The following PACC1 variants were observed in gnomAD, a reference collection of about 807,000 sequenced individuals.
The protein encoded by PACC1 is proton-activated chloride channel.
Under a neutral mutation model 39.7 loss-of-function variants are expected in PACC1, and 34 were observed. The ratio of observed to expected loss-of-function variants is 0.86; its 90% CI spans 0.65 to 1.14. The LOEUF (loss-of-function observed/expected upper bound fraction) is 1.14. Ranked by LOEUF, PACC1 falls within the 50% of genes most tolerant of loss-of-function variation. PACC1 has a pLI of 0.00. For missense variants in PACC1, 379 were observed against 436.4 expected (o/e 0.87, Z 1.17); for synonymous variants, 127 against 160.6 (o/e 0.79, Z 1.58).
chr1:212,394,355 A>G (rs560757444), intron 2 of PACC1, among the ~76,000 whole-genome samples: 5 of 152,374 alleles, frequency 3.3e-5, no homozygotes, highest in Admixed American at 6.5e-5. Flanking sequence ...ATCTCAATAG[A>G]TGCAGAAAAG....
At chr1:212,399,962 A>C (rs1247225345) in intron 2 of PACC1, among the ~76,000 whole-genome samples, 1 of 152,032 alleles carries the variant, frequency 6.6e-6, no homozygotes, top group Non-Finnish European at 1.5e-5. Context: ...CTCCTGCCTC[A>C]GCCTCCCAAG....
At chr1:212,383,877 G>A (rs759994108) in intron 4 of PACC1, among the ~76,000 whole-genome samples, 5 of 151,910 alleles carry the variant, frequency 3.3e-5, no homozygotes, top group African/African-American at 7.3e-5. Flanking sequence ...TCTTCCCTTC[G>A]CTTCTGTAGA....
At chr1:212,402,956 G>T (rs572796408) in intron 2 of PACC1, among the ~76,000 whole-genome samples, 35 of 152,198 alleles carry the variant, frequency 2.3e-4, no homozygotes, top group Middle Eastern at 3.4e-3. Flanking sequence ...GCCCAGCCAA[G>T]GTTTTCATCT....
intron 2 of PACC1, among the ~76,000 whole-genome samples, chr1:212,393,189 A>C (rs1173752985): frequency 6.6e-6 from 1 of 152,216 alleles, no homozygotes; most frequent in Non-Finnish European, 1.5e-5. Flanking sequence ...GTTGGAAGTA[A>C]AGCTCTCCTC....
chr1:212,402,927 T>A (rs1323023724), intron 2 of PACC1, among the ~76,000 whole-genome samples: 1 of 152,182 alleles, frequency 6.6e-6, no homozygotes, highest in Admixed American at 6.5e-5. Context: ...GTGCTGGAAT[T>A]ACAGGCGTGA....
rs751600942 is a variant in PACC1 at position 212,379,908 on chromosome 1, C to T, written c.625G>A (p.Glu209Lys). 1 of 1,614,156 alleles carries T rather than the reference C, an allele frequency of 6.2e-7. No individual in the cohort carries two copies. Among genetic ancestry groups the T allele is most frequent in the Non-Finnish European group, 8.5e-7 (1 of 1,180,028 alleles). ...IDYLLFSSFQEFLQSPNRVGF... is the reference protein window; with the variant it reads ...IDYLLFSSFQKFLQSPNRVGF... ...CTAAAAGCCCACCTTTGCAGGAACTCCTGGAAAGAAGAGAAGAGGAGGTAA... is the reference window on the plus strand; with the variant it reads ...CTAAAAGCCCACCTTTGCAGGAACTTCTGGAAAGAAGAGAAGAGGAGGTAA... The change falls in exon 5 of 8, where the codon GAG becomes AAG. Residue 209 changes from glutamate (E) to lysine (K), a missense_variant. Transcript: ENST00000261455.
chr1:212,381,909 C>T (rs1219652848), intron 4 of PACC1, among the ~76,000 whole-genome samples: 1 of 152,258 alleles, frequency 6.6e-6, no homozygotes, highest in Non-Finnish European at 1.5e-5. Flanking sequence ...GCCTGCATGC[C>T]AGGACTGTTC....
At position 212,386,273 on chromosome 1, in the gene PACC1, T is replaced by A. The variant is rs1009395483; in HGVS notation, c.343+618A>T. Among the ~76,000 whole-genome samples the A allele has an allele frequency of 3.9e-5, 6 of 152,098 alleles. No homozygotes were observed. The highest frequency in any genetic ancestry group is 8.8e-5 in the Non-Finnish European group (6 of 68,012). On this transcript the variant is annotated intron_variant, in intron 3 of 7. Transcript: ENST00000261455. The surrounding 1 kb of genome is among the most constrained non-coding windows in gnomAD (Gnocchi z 5.0). ...ACACAGCTCATGCCTCCTCATTTAC[T>A]CTACAGCCCCTAGAACATCCAGTGC...
intron 2 of PACC1, among the ~76,000 whole-genome samples, chr1:212,393,731 A>T (rs1249537085): frequency 1.3e-5 from 2 of 152,130 alleles, no homozygotes; most frequent in Admixed American, 6.6e-5. Context: ...TCAAATAGAC[A>T]CAATAAAAAA....
rs180685429 is a variant in PACC1, at chr1:212,373,682, G to A, written c.891+1511C>T. Reference sequence around the variant, plus strand: ...AAGCCAAATAATTCAATTTTAAAATGGGCAAGAGATCTGAATAGAGATTTA... The same window carrying A: ...AAGCCAAATAATTCAATTTTAAAATAGGCAAGAGATCTGAATAGAGATTTA... On this transcript the variant is annotated intron_variant, in intron 7 of 7. Coordinates refer to ENST00000261455, the MANE Select transcript of PACC1 (RefSeq NM_018252.3). Among the ~76,000 whole-genome samples the A allele has an allele frequency of 9.3e-4, 141 of 152,218 alleles. 1 individual carries two copies. The highest frequency in any genetic ancestry group is 3.3e-3 in the African/African-American group (138 of 41,548).
In PACC1 at chr1:212,387,101, C is replaced by G; in HGVS notation, c.134-1G>C. Reference sequence around the variant, plus strand: ...CTGGAGGCGGACTCGCTGTCCAGGCCTGACAACAACAAAACACCATGTGAC... The same window carrying G: ...CTGGAGGCGGACTCGCTGTCCAGGCGTGACAACAACAAAACACCATGTGAC... On this transcript the variant is annotated splice_acceptor_variant, in intron 2 of 7. Transcript: ENST00000261455. LOFTEE classifies it high-confidence loss of function. 2 of 1,613,544 alleles carry G rather than the reference C, an allele frequency of 1.2e-6. No homozygotes were observed. Among genetic ancestry groups the G allele is most frequent in the Non-Finnish European group, 1.7e-6 (2 of 1,180,000 alleles).
chr1:212,401,631 A>G (rs1046999931), intron 2 of PACC1, among the ~76,000 whole-genome samples: 5 of 150,006 alleles, frequency 3.3e-5, no homozygotes, highest in Non-Finnish European at 7.4e-5. Context: ...TCAAAAAAAA[A>G]AAAAAAAAAA....
chr1:212,411,536 A>G (rs1662127104), intron 1 of PACC1, among the ~76,000 whole-genome samples: 1 of 152,212 alleles, frequency 6.6e-6, no homozygotes, highest in African/African-American at 2.4e-5. Flanking sequence ...AAAGGATACC[A>G]TGATAATCAA....
intron 1 of PACC1, 58 bp downstream of exon 1, chr1:212,414,664 C>A: frequency 1.9e-6 from 3 of 1,600,580 alleles, no homozygotes; most frequent in Middle Eastern, 1.7e-4. Flanking sequence ...TCCGCCCAGG[C>A]CCCCGGGACC....
intron 2 of PACC1, among the ~76,000 whole-genome samples, chr1:212,406,897 C>T (rs1421988823): frequency 6.6e-6 from 1 of 152,212 alleles, no homozygotes; most frequent in Non-Finnish European, 1.5e-5. Flanking sequence ...AACACAAAGA[C>T]AAGCCTCATC....
In PACC1 at chr1:212,414,824, G is replaced by T; in HGVS notation, c.-67C>A. 1 of 1,596,242 alleles carries T rather than the reference G, an allele frequency of 6.3e-7. No homozygotes were observed. The highest frequency in any genetic ancestry group is 8.6e-7 in the Non-Finnish European group (1 of 1,166,018). ...CCGCGGCGCACGGACGCAGCACTGC[G>T]GCCGCTGCACCTGGACCTACCGGCT... On this transcript the variant is annotated 5_prime_UTR_variant, in exon 1 of 8. Transcript: ENST00000261455.
intron 1 of PACC1, among the ~76,000 whole-genome samples, chr1:212,411,307 A>G (rs1662119845): frequency 6.6e-6 from 1 of 152,206 alleles, no homozygotes. Context: ...AAGAGGGAAC[A>G]GTGAAGGTGG....
rs553392140 is a variant in PACC1, at chr1:212,394,616, T to C, written c.134-7516A>G. On this transcript the variant is annotated intron_variant, in intron 2 of 7. Transcript: ENST00000261455. ...TCAGGCAGGAGAAGGAAATAAAGGGTATTCAATGAGGAAAAGAGGAAGTCA... is the reference window on the plus strand; with the variant it reads ...TCAGGCAGGAGAAGGAAATAAAGGGCATTCAATGAGGAAAAGAGGAAGTCA... Among the ~76,000 whole-genome samples the C allele has an allele frequency of 9.5e-3, 1,451 of 152,176 alleles. 13 individuals are homozygous for C. Among genetic ancestry groups the C allele is most frequent in the Middle Eastern group, 0.017 (5 of 294 alleles).
chr1:212,403,902 T>C (rs1661808796), intron 2 of PACC1, among the ~76,000 whole-genome samples: 2 of 151,974 alleles, frequency 1.3e-5, no homozygotes, highest in South Asian at 2.1e-4. Flanking sequence ...AGGCTCCATC[T>C]CTATGTAGTA....
Sources: gnomAD v4.1 joint callset for allele counts (sites outside exome capture counted in the v4.1 genomes callset) on GRCh38, gnomAD v4.1.1 for gene constraint, Gnocchi (gnomAD v3.1) non-coding constraint, MANE v1.5 for transcripts, NCBI Gene and HGNC (gene_info 2026-07-23, HGNC 2026-07-21) for gene names.